Variants in WDR72 observed in about 807,000 individuals in gnomAD.
The protein encoded by WDR72 is WD repeat domain 72.
In WDR72, 120 loss-of-function variants were observed where a neutral mutation model predicts 124.2. The observed-to-expected ratio is 0.97, with a 90% CI of 0.83 to 1.12. WDR72 has a LOEUF of 1.12. Ranked by LOEUF, WDR72 falls within the 50% of genes most tolerant of loss-of-function variation. WDR72 has a pLI of 0.00. For missense variants in WDR72, 1,387 were observed against 1,278.8 expected (o/e 1.08, Z -1.29); for synonymous variants, 452 against 441.7 (o/e 1.02, Z -0.29).
At chr15:53,632,002 A>G (rs867325240) in intron 14 of WDR72, among the ~76,000 whole-genome samples, 11 of 152,186 alleles carry the variant, frequency 7.2e-5, no homozygotes, top group South Asian at 2.1e-4. Flanking sequence ...CCCATTTTTC[A>G]GGGGAAGAAT....
At chr15:53,746,276 G>C (rs1218000289) in intron 1 of WDR72, among the ~76,000 whole-genome samples, 2 of 152,072 alleles carry the variant, frequency 1.3e-5, no homozygotes, top group Non-Finnish European at 2.9e-5. Flanking sequence ...GTGGTTTTGT[G>C]GGTGGTGTCT....
At chr15:53,691,248 A>T (rs58979621) in intron 13 of WDR72, among the ~76,000 whole-genome samples, 2 of 151,960 alleles carry the variant, frequency 1.3e-5, no homozygotes, top group East Asian at 3.9e-4. Flanking sequence ...ATGGGATCAC[A>T]CTATGATGCC....
intron 13 of WDR72, among the ~76,000 whole-genome samples, chr15:53,669,099 A>G (rs943745266): frequency 1.3e-5 from 2 of 151,886 alleles, no homozygotes; most frequent in African/African-American, 2.4e-5. Flanking sequence ...GTTCTCGTGT[A>G]CTTTTCTTGG....
intron 13 of WDR72, among the ~76,000 whole-genome samples, chr15:53,691,499 T>C (rs1214025458): frequency 6.6e-6 from 1 of 152,246 alleles, no homozygotes; most frequent in Non-Finnish European, 1.5e-5. Flanking sequence ...TTCTTGTTAA[T>C]GACCTTTGAT....
chr15:53,694,335 C>A (rs1029482374), intron 13 of WDR72, among the ~76,000 whole-genome samples: 1 of 152,196 alleles, frequency 6.6e-6, no homozygotes, highest in Non-Finnish European at 1.5e-5. Context: ...TTTGCTTCTC[C>A]TCCCTTCCCA....
In WDR72 at chr15:53,698,102, G is replaced by T. The variant is rs2017060748; in HGVS notation, c.1765+1648C>A. On this transcript the variant is annotated intron_variant, in intron 13 of 19. Transcript: ENST00000360509. ...TATGTATTTGAGGGTGTATAAAAAA[G>T]AAATAACAAAATTAAAATACAGAAT... 2.0e-5 allele frequency among the ~76,000 whole-genome samples: 3 copies of T among 152,108 alleles called. No individual in the cohort carries two copies. In the South Asian group the frequency reaches 6.2e-4, roughly 32 times the overall value.
rs957569539 is a variant in WDR72, at chr15:53,539,654, A to T, written c.3149-16332T>A. 3.3e-5 allele frequency among the ~76,000 whole-genome samples: 5 copies of T among 152,114 alleles called. No homozygotes were observed. In the East Asian group the frequency reaches 9.7e-4, roughly 29 times the overall value. On this transcript the variant is annotated intron_variant, in intron 18 of 19. Transcript: ENST00000360509. ...ATAAAGGTAAACATTAGGAAAAAAA[A>T]AAACTACCAAATACTCCCTCAATAC...
chr15:53,519,291 C>G (rs1891649169), intron 19 of WDR72, among the ~76,000 whole-genome samples: 1 of 151,994 alleles, frequency 6.6e-6, no homozygotes, highest in Non-Finnish European at 1.5e-5. Flanking sequence ...AGTTAACCAG[C>G]AAAAGGCTCC....
chr15:53,578,235 A>G (rs2011716457), intron 18 of WDR72, among the ~76,000 whole-genome samples: 1 of 152,120 alleles, frequency 6.6e-6, no homozygotes, highest in Non-Finnish European at 1.5e-5. Flanking sequence ...GCAGCAGAAA[A>G]GAAACCAGGT....
At chr15:53,551,883 C>T (rs12442849) in intron 18 of WDR72, among the ~76,000 whole-genome samples, 34,215 of 151,906 alleles carry the variant, frequency 0.23, 3,905 homozygotes, top group African/African-American at 0.26. Context: ...CACAAACACA[C>T]GCACATGTAC....
chr15:53,620,993 A>T (rs903928358), intron 14 of WDR72, among the ~76,000 whole-genome samples: 1 of 152,162 alleles, frequency 6.6e-6, no homozygotes, highest in Non-Finnish European at 1.5e-5. Flanking sequence ...GGATAAGAAC[A>T]TGAATAGAAA....
At chr15:53,561,315 C>A (rs1459218686) in intron 18 of WDR72, among the ~76,000 whole-genome samples, 1 of 151,696 alleles carries the variant, frequency 6.6e-6, no homozygotes, top group Non-Finnish European at 1.5e-5. Flanking sequence ...AGGAAAAAAG[C>A]AAACATATTG....
At chr15:53,624,902 C>T (rs1194759400) in intron 14 of WDR72, among the ~76,000 whole-genome samples, 6 of 151,934 alleles carry the variant, frequency 3.9e-5, no homozygotes, top group Admixed American at 6.6e-5. Context: ...CAGTAAATGC[C>T]CATAATATAT....
At chr15:53,757,501 T>C (rs1477611661) in intron 1 of WDR72, among the ~76,000 whole-genome samples, 1 of 151,890 alleles carries the variant, frequency 6.6e-6, no homozygotes, top group East Asian at 1.9e-4. Context: ...CAGGCACCTG[T>C]AACCCCAGCT....
upstream of WDR72, among the ~76,000 whole-genome samples, chr15:53,761,290 C>T (rs770817567): frequency 5.6e-4 from 85 of 152,066 alleles, no homozygotes; most frequent in Non-Finnish European, 7.4e-5. Context: ...CAAATTCAAA[C>T]GGCTCATATC....
chr15:53,679,381 T>C (rs1174271594), intron 13 of WDR72, among the ~76,000 whole-genome samples: 1 of 152,146 alleles, frequency 6.6e-6, no homozygotes, highest in African/African-American at 2.4e-5. Flanking sequence ...AAAAAGCATC[T>C]GTGTTAATAA....
intron 14 of WDR72, among the ~76,000 whole-genome samples, chr15:53,622,699 T>G (rs1595800421): frequency 6.6e-6 from 1 of 151,982 alleles, no homozygotes; most frequent in East Asian, 1.9e-4. Context: ...AGGTGATGGG[T>G]TTCTACAGGC....
intron 9 of WDR72, among the ~76,000 whole-genome samples, chr15:53,708,783 A>G (rs2017456084): frequency 6.6e-6 from 1 of 152,148 alleles, no homozygotes; most frequent in African/African-American, 2.4e-5. Context: ...TTCCCACTTC[A>G]GCACAGCAGT....
At chr15:53,557,440 A>T (rs1234495093) in intron 18 of WDR72, among the ~76,000 whole-genome samples, 1 of 152,100 alleles carries the variant, frequency 6.6e-6, no homozygotes, top group African/African-American at 2.4e-5. Flanking sequence ...ATGGCTAAGA[A>T]TTTCATCTCA....
Sources: gnomAD v4.1 joint callset for allele counts (sites outside exome capture counted in the v4.1 genomes callset) on GRCh38, gnomAD v4.1.1 for gene constraint, MANE v1.5 for transcripts, NCBI Gene and HGNC (gene_info 2026-07-23, HGNC 2026-07-21) for gene names.